SYNDIG1: variants seen among roughly 807,000 people sequenced by gnomAD.
SYNDIG1 encodes synapse differentiation-inducing gene protein 1.
A neutral mutation model predicts 19.4 loss-of-function variants in SYNDIG1; 9 were observed. The observed-to-expected ratio is 0.46, with a 90% CI of 0.28 to 0.81. The LOEUF is 0.81. SYNDIG1 is among the 30% of genes least tolerant of loss of function. SYNDIG1 has a pLI of 0.12. For synonymous variants in SYNDIG1, 141 were observed against 145.9 expected (o/e 0.97, Z 0.24); for missense variants, 311 against 343.3 (o/e 0.91, Z 0.74).
At chr20:24,480,168 C>T (rs974601146) in intron 1 of SYNDIG1, among the ~76,000 whole-genome samples, 1 of 152,216 alleles carries the variant, frequency 6.6e-6, no homozygotes, top group Admixed American at 6.5e-5. Context: ...TTCTAGGTGT[C>T]CTTGGCACCT....
intron 3 of SYNDIG1, among the ~76,000 whole-genome samples, chr20:24,587,543 C>T (rs1362442665): frequency 6.6e-6 from 1 of 152,354 alleles, no homozygotes; most frequent in East Asian, 1.9e-4. Context: ...AGCAGGCCAT[C>T]GTGGGGAAGC....
intron 3 of SYNDIG1, among the ~76,000 whole-genome samples, chr20:24,642,215 C>A (rs1167300415): frequency 6.6e-6 from 1 of 152,212 alleles, no homozygotes; most frequent in Non-Finnish European, 1.5e-5. Context: ...TTGCAGAGCA[C>A]TGATCGGGTA....
At chr20:24,604,585 G>A (rs1234709909) in intron 3 of SYNDIG1, among the ~76,000 whole-genome samples, 1 of 152,086 alleles carries the variant, frequency 6.6e-6, no homozygotes, top group African/African-American at 2.4e-5. Flanking sequence ...AAAAGGGGAG[G>A]GACCCTCAGT....
At chr20:24,539,836 T>C (rs1457193719) in intron 1 of SYNDIG1, among the ~76,000 whole-genome samples, 2 of 152,184 alleles carry the variant, frequency 1.3e-5, no homozygotes, top group Non-Finnish European at 2.9e-5. Context: ...TGGAGTCCAG[T>C]GGCACGATCT....
chr20:24,626,418 C>CT (rs2059136472), intron 3 of SYNDIG1, among the ~76,000 whole-genome samples: 1 of 151,348 alleles, frequency 6.6e-6, no homozygotes, highest in Admixed American at 6.6e-5. Context: ...CGGGCCGAGG[C>CT]GCTCCTCACA....
chr20:24,548,097 C>T (rs575247320), intron 2 of SYNDIG1, among the ~76,000 whole-genome samples: 4 of 152,264 alleles, frequency 2.6e-5, no homozygotes, highest in African/African-American at 9.6e-5. Context: ...ATCGAATCCT[C>T]GAAGCGCTTG....
intron 3 of SYNDIG1, among the ~76,000 whole-genome samples, chr20:24,587,159 G>A (rs1332600797): frequency 1.3e-5 from 2 of 152,158 alleles, no homozygotes; most frequent in African/African-American, 4.8e-5. Context: ...GAGGTGAAGT[G>A]GAAACATTTT....
At chr20:24,519,653 G>A (rs549139690) in intron 1 of SYNDIG1, among the ~76,000 whole-genome samples, 38 of 152,254 alleles carry the variant, frequency 2.5e-4, no homozygotes, top group Admixed American at 2.2e-3. Flanking sequence ...TCTCTACCAC[G>A]TGCCTTTATT....
chr20:24,509,127 T>A (rs1355485987), intron 1 of SYNDIG1, among the ~76,000 whole-genome samples: 2 of 152,230 alleles, frequency 1.3e-5, no homozygotes, highest in Non-Finnish European at 2.9e-5. Flanking sequence ...GACACCTTAG[T>A]GTGAGTTTAC....
At chr20:24,518,706 A>G (rs751340977) in intron 1 of SYNDIG1, among the ~76,000 whole-genome samples, 7 of 152,200 alleles carry the variant, frequency 4.6e-5, no homozygotes, top group Non-Finnish European at 8.8e-5. Context: ...TTGATTCACA[A>G]GGGCCCTAAG....
chr20:24,486,522 C>G (rs892143480), intron 1 of SYNDIG1, among the ~76,000 whole-genome samples: 5 of 152,206 alleles, frequency 3.3e-5, no homozygotes, highest in Non-Finnish European at 5.9e-5. Flanking sequence ...TGTTCAAGCA[C>G]CATTCCTCAA....
At chr20:24,545,578 C>A (rs1184163086) in intron 2 of SYNDIG1, among the ~76,000 whole-genome samples, 1 of 152,114 alleles carries the variant, frequency 6.6e-6, no homozygotes, top group Admixed American at 6.5e-5. Flanking sequence ...AGTCATCACA[C>A]AGGCAGGAGC....
chr20:24,490,101 G>A (rs1210247753), intron 1 of SYNDIG1, among the ~76,000 whole-genome samples: 2 of 152,218 alleles, frequency 1.3e-5, no homozygotes, highest in South Asian at 4.1e-4. Context: ...TTGGGGCCCT[G>A]CACCCTTTCC....
chr20:24,489,288 GCA>G (rs2056071551), intron 1 of SYNDIG1, among the ~76,000 whole-genome samples: 1 of 150,750 alleles, frequency 6.6e-6, no homozygotes, highest in African/African-American at 2.4e-5. Flanking sequence ...ACAGGGACAG[GCA>G]CAGTCACATG....
At chr20:24,587,708 A>C (rs2058440528) in intron 3 of SYNDIG1, among the ~76,000 whole-genome samples, 1 of 152,244 alleles carries the variant, frequency 6.6e-6, no homozygotes. Context: ...TCTCTGCCGC[A>C]GTGGCCAGCA....
intron 2 of SYNDIG1, among the ~76,000 whole-genome samples, chr20:24,547,048 C>T (rs1231593451): frequency 6.6e-6 from 1 of 152,076 alleles, no homozygotes; most frequent in Non-Finnish European, 1.5e-5. Context: ...CAGAGGGGGC[C>T]ACCTCATTGC....
At chr20:24,636,681 G>A (rs575299849) in intron 3 of SYNDIG1, among the ~76,000 whole-genome samples, 2 of 152,306 alleles carry the variant, frequency 1.3e-5, no homozygotes, top group South Asian at 2.1e-4. Context: ...CCACCATGTA[G>A]CCTTTTCCTA....
chr20:24,593,759 T>C (rs2058551156), intron 3 of SYNDIG1, among the ~76,000 whole-genome samples: 1 of 152,224 alleles, frequency 6.6e-6, no homozygotes, highest in African/African-American at 2.4e-5. Flanking sequence ...CTCATTGTGG[T>C]TTTGATTTGC....
At chr20:24,533,045 C>A (rs147971903) in intron 1 of SYNDIG1, among the ~76,000 whole-genome samples, 92 of 152,218 alleles carry the variant, frequency 6.0e-4, no homozygotes, top group African/African-American at 2.1e-3. Context: ...GGGAGAGAAT[C>A]CGTCTTTTAG....
Sources: gnomAD v4.1 joint callset for allele counts (sites outside exome capture counted in the v4.1 genomes callset) on GRCh38, gnomAD v4.1.1 for gene constraint, MANE v1.5 for transcripts, NCBI Gene and HGNC (gene_info 2026-07-23, HGNC 2026-07-21) for gene names.